The following NOTCH2NLR variants were observed in gnomAD, a reference collection of about 807,000 sequenced individuals.
NOTCH2NLR encodes notch 2 N-terminal like R (pseudogene).
In NOTCH2NLR, 33 loss-of-function variants were observed where a neutral mutation model predicts 35.6. The ratio of observed to expected loss-of-function variants is 0.93; its 90% CI spans 0.70 to 1.24. NOTCH2NLR has a LOEUF of 1.24. Ranked by LOEUF, NOTCH2NLR falls within the 50% of genes most tolerant of loss-of-function variation. NOTCH2NLR has a pLI of 0.00. For missense variants in NOTCH2NLR, 276 were observed against 362.2 expected (o/e 0.76, Z 1.93); for synonymous variants, 103 against 141.0 (o/e 0.73, Z 1.91).
chr1:120,724,790 C>T (rs1650800199), intron 1 of NOTCH2NLR, among the ~76,000 whole-genome samples: 1 of 105,180 alleles, frequency 9.5e-6, no homozygotes, highest in East Asian at 2.2e-4. Context: ...TTGCGGCGCG[C>T]CTGAGTTTTG....
intron 2 of NOTCH2NLR, among the ~76,000 whole-genome samples, chr1:120,779,916 C>G (rs1451217458): frequency 0.11 from 9,405 of 82,518 alleles, 78 homozygotes; most frequent in African/African-American, 0.31. Flanking sequence ...GACTGTCTTA[C>G]CTATTACTCC....
intron 1 of NOTCH2NLR, among the ~76,000 whole-genome samples, chr1:120,752,587 T>C (rs1165349834): frequency 2.5e-3 from 100 of 40,106 alleles, no homozygotes; most frequent in African/African-American, 6.1e-3. Context: ...TTTTTTTTTT[T>C]TCAGGCAGAG....
rs1651103926 is a variant in NOTCH2NLR, at chr1:120,758,934, G to T, written c.74-4694G>T. On this transcript the variant is annotated intron_variant, in intron 1 of 4. Coordinates refer to ENST00000624419, the Ensembl canonical transcript of NOTCH2NLR. ...ACACTCCTGCACCCCCAGCCTTCAT[G>T]ATTGCTTTTTATACATTACTGGGTT... Among the ~76,000 whole-genome samples, 2 of 99,722 alleles carry T rather than the reference G, an allele frequency of 2.0e-5. 1 individual carries two copies. The highest frequency in any genetic ancestry group is 5.8e-4 in the South Asian group (2 of 3,460). 65.4% of individuals were successfully genotyped at this position (99,722 alleles called of 152,430 possible). A position where few individuals can be genotyped will look rare whatever the true frequency, so the allele number is the denominator to read the frequency against.
At chr1:120,765,959 A>G (rs1272683937) in intron 2 of NOTCH2NLR, among the ~76,000 whole-genome samples, 1 of 50,204 alleles carries the variant, frequency 2.0e-5, no homozygotes, top group Non-Finnish European at 3.3e-5. Flanking sequence ...GGAGGGGAAC[A>G]TCACACACTG....
chr1:120,759,291 G>A (rs1267492541), intron 1 of NOTCH2NLR, among the ~76,000 whole-genome samples: 2 of 20,698 alleles, frequency 9.7e-5, no homozygotes, highest in Admixed American at 9.6e-4. Context: ...TTTTTTTTTT[G>A]GTGGAGTAGA....
Position 120,785,090 on chromosome 1 carries a change from G to A in NOTCH2NLR, c.272G>A (p.Arg91Gln), listed in dbSNP as rs1280141953. The stretch of plus-strand genomic sequence containing the variant: ...GCCATGCTGGGGAAAGCCACGTGCC[G>A]GTGTGCCTCAGGGTTTACAGGAGAG... Residue 91 changes from arginine to glutamine, a missense_variant, in exon 3 of 5, where the codon CGG (arginine) becomes CAG (glutamine). Coordinates refer to ENST00000624419, the Ensembl canonical transcript of NOTCH2NLR. The A allele has an allele frequency of 1.0e-4, 146 of 1,446,058 alleles. 31 individuals are homozygous for A. Among genetic ancestry groups the A allele is most frequent in the Admixed American group, 2.7e-4 (14 of 51,444 alleles). 89.6% of individuals were successfully genotyped at this position (1,446,058 alleles called of 1,614,324 possible).
In NOTCH2NLR at chr1:120,728,819, T is replaced by A. The variant is rs1464636648; in HGVS notation, c.73+4569T>A. ...TTTAGTAAAGTATATTTGCTTTTTT[T>A]TTTTTTGAACCAAGAGAGTCCCCTG... On this transcript the variant is annotated intron_variant, in intron 1 of 4. Coordinates refer to ENST00000624419, the Ensembl canonical transcript of NOTCH2NLR. Among the ~76,000 whole-genome samples the A allele has an allele frequency of 1.7e-5, 2 of 114,952 alleles. 1 individual carries two copies. Among genetic ancestry groups the A allele is most frequent in the Non-Finnish European group, 3.3e-5 (2 of 60,294 alleles). 75.4% of individuals were successfully genotyped at this position (114,952 alleles called of 152,430 possible). A position where few individuals can be genotyped will look rare whatever the true frequency, so the allele number is the denominator to read the frequency against.
chr1:120,745,832 A>T (rs1238694547), intron 1 of NOTCH2NLR, among the ~76,000 whole-genome samples: 2 of 92,172 alleles, frequency 2.2e-5, no homozygotes, highest in African/African-American at 1.4e-4. Flanking sequence ...AAAAAAAAAA[A>T]AAACAAGGTA....
chr1:120,783,513 A>C (rs1651388649), intron 2 of NOTCH2NLR, among the ~76,000 whole-genome samples: 1 of 47,044 alleles, frequency 2.1e-5, no homozygotes, highest in Non-Finnish European at 3.4e-5. Flanking sequence ...GCCTTAGAAA[A>C]ATTGAATAAT....
chr1:120,779,460 A>C lies in NOTCH2NLR; in HGVS notation c.156-5514A>C, dbSNP rs1472128159. Among the ~76,000 whole-genome samples the C allele has an allele frequency of 3.4e-5, 4 of 116,588 alleles. No individual in the cohort carries two copies. In the East Asian group the frequency reaches 8.1e-4, roughly 24 times the overall value. The allele number at this position is 116,588 out of a possible 152,430, so 76.5% of individuals were successfully genotyped here. A position where few individuals can be genotyped will look rare whatever the true frequency, so the allele number is the denominator to read the frequency against. On this transcript the variant is annotated intron_variant, in intron 2 of 4. Coordinates refer to ENST00000624419, the Ensembl canonical transcript of NOTCH2NLR. ...TCATCTGCGAAGTATGTTCTTTCAG[A>C]GTTCAATGCTAGAGAAGAGAGAGTA...
Position 120,755,857 on chromosome 1 carries a change from A to T in NOTCH2NLR, c.74-7771A>T, listed in dbSNP as rs1239095389. Among the ~76,000 whole-genome samples, 5 of 80,822 alleles carry T rather than the reference A, an allele frequency of 6.2e-5. 1 individual carries two copies. The highest frequency in any genetic ancestry group is 1.1e-4 in the Non-Finnish European group (5 of 46,368). 53.0% of individuals were successfully genotyped at this position (80,822 alleles called of 152,430 possible). ...CTCTTAGGTAGAAAACACACTTTCT[A>T]TATGATAATATCTGTAAAGAGCACA... On this transcript the variant is annotated intron_variant, in intron 1 of 4. Transcript: ENST00000624419.
In NOTCH2NLR at chr1:120,770,343, G is replaced by T. The variant is rs1343676555; in HGVS notation, c.155+6634G>T. Among the ~76,000 whole-genome samples the T allele has an allele frequency of 1.8e-5, 2 of 109,958 alleles. 1 individual carries two copies. The highest frequency in any genetic ancestry group is 3.4e-5 in the Non-Finnish European group (2 of 58,838). The allele number at this position is 109,958 out of a possible 152,430, so 72.1% of individuals were successfully genotyped here. On this transcript the variant is annotated intron_variant, in intron 2 of 4. Coordinates refer to ENST00000624419, the Ensembl canonical transcript of NOTCH2NLR. ...CGCCACCACGCCCGGCTAATTTTTTGTATTTTTAGTAGAGACGGGGTTTCA... is the reference window on the plus strand; with the variant it reads ...CGCCACCACGCCCGGCTAATTTTTTTTATTTTTAGTAGAGACGGGGTTTCA...
intron 2 of NOTCH2NLR, among the ~76,000 whole-genome samples, chr1:120,765,676 C>G (rs1651182968): frequency 1.0e-5 from 1 of 98,672 alleles, no homozygotes; most frequent in African/African-American, 5.1e-5. Context: ...AGGACACATG[C>G]ACATGTGTGT....
intron 1 of NOTCH2NLR, among the ~76,000 whole-genome samples, chr1:120,760,084 T>G (rs1227258849): frequency 1.0e-5 from 1 of 98,116 alleles, no homozygotes; most frequent in Non-Finnish European, 1.8e-5. Context: ...CTTATTTCAC[T>G]TAGCATAATG....
intron 2 of NOTCH2NLR, among the ~76,000 whole-genome samples, chr1:120,783,804 G>T (rs1651392747): frequency 1.8e-5 from 2 of 113,414 alleles, no homozygotes; most frequent in Non-Finnish European, 1.7e-5. Flanking sequence ...GACTTCACTG[G>T]GTTTTGAGTT....
chr1:120,761,349 G>A (rs1651135135), intron 1 of NOTCH2NLR, among the ~76,000 whole-genome samples: 1 of 113,136 alleles, frequency 8.8e-6, no homozygotes, highest in Non-Finnish European at 1.7e-5. Context: ...GCTGTTGCTG[G>A]TGGATCACAG....
At chr1:120,768,694 G>A (rs1433575495) in intron 2 of NOTCH2NLR, among the ~76,000 whole-genome samples, 1 of 96,778 alleles carries the variant, frequency 1.0e-5, no homozygotes, top group Non-Finnish European at 1.9e-5. Flanking sequence ...GTTTATGCCT[G>A]CTTTCAGTGA....
rs1294112242 is a variant in NOTCH2NLR at position 120,777,888 on chromosome 1, G to A, written c.156-7086G>A. 1.9e-5 allele frequency among the ~76,000 whole-genome samples: 2 copies of A among 105,310 alleles called. 1 individual carries two copies. The highest frequency in any genetic ancestry group is 3.5e-5 in the Non-Finnish European group (2 of 56,950). 69.1% of individuals were successfully genotyped at this position (105,310 alleles called of 152,430 possible). ...AGACCTCAGCCAGGAGGTACTGAAA[G>A]GAGGGAGACCAGTGAGTTTAGACCA... is the stretch of plus-strand genomic sequence containing the variant. On this transcript the variant is annotated intron_variant, in intron 2 of 4. Transcript: ENST00000624419.
At position 120,768,974 on chromosome 1, in the gene NOTCH2NLR, TTATAAA is replaced by T. The variant is rs1464670508; in HGVS notation, c.155+5272_155+5277del. Among the ~76,000 whole-genome samples, 8 of 97,910 alleles carry T rather than the reference TTATAAA, an allele frequency of 8.2e-5. No homozygotes were observed. The South Asian group carries it at 9.0e-4, about 11-fold the overall frequency. 64.2% of individuals were successfully genotyped at this position (97,910 alleles called of 152,430 possible). A position where few individuals can be genotyped will look rare whatever the true frequency, so the allele number is the denominator to read the frequency against. On this transcript the variant is annotated intron_variant, in intron 2 of 4. Transcript: ENST00000624419. ...AAAAACTACACTTTAAGGTAAATTATTATAAATATAAAGTGTTATAAAATATAACTT... is the reference window on the plus strand; with the variant it reads ...AAAAACTACACTTTAAGGTAAATTATTATAAAGTGTTATAAAATATAACTT...
Sources: gnomAD v4.1 joint callset for allele counts (sites outside exome capture counted in the v4.1 genomes callset) on GRCh38, gnomAD v4.1.1 for gene constraint, MANE v1.5 for transcripts, NCBI Gene and HGNC (gene_info 2026-07-23, HGNC 2026-07-21) for gene names.